Variants in SIPA1 observed in about 807,000 individuals in gnomAD.
The protein encoded by SIPA1 is signal-induced proliferation-associated protein 1.
SIPA1 carries 51 observed loss-of-function variants against 88.1 expected under a neutral mutation model. The ratio of observed to expected loss-of-function variants is 0.58; its 90% CI spans 0.46 to 0.73. The LOEUF (loss-of-function observed/expected upper bound fraction) is 0.73. Ranked by LOEUF, SIPA1 falls within the 30% of genes least tolerant of loss-of-function variation. The pLI is 0.00. For synonymous variants in SIPA1, 681 were observed against 664.8 expected, an observed-to-expected ratio of 1.02 and a Z score of -0.37; for missense variants, 1,348 against 1,467.6, an observed-to-expected ratio of 0.92 and a Z score of 1.33.
chr11:65,649,240 C>A, intron 9 of SIPA1, 22 bp from the exon 10 acceptor site: 1 of 1,484,226 alleles, frequency 6.7e-7, no homozygotes, highest in Non-Finnish European at 9.0e-7. Context: ...GAAGTCCTGC[C>A]TGACCCTGTC....
intron 9 of SIPA1, among the ~76,000 whole-genome samples, chr11:65,648,238 T>G (rs1281664216): frequency 2.0e-5 from 3 of 152,100 alleles, no homozygotes; most frequent in Non-Finnish European, 4.4e-5. Flanking sequence ...AAAGATCAAA[T>G]AGCAGCCCCC....
rs767072422 is a variant in SIPA1 at position 65,649,801 on chromosome 11, G to A, written c.2682G>A (p.Pro894=). ...SPSGSEDKGN[P]APELRASFLP... Reference sequence around the variant, plus strand: ...GTGGCTCTGAGGACAAGGGCAACCCGGCGCCGGAGCTGAGGGCCTCCTTTC... The same window carrying A: ...GTGGCTCTGAGGACAAGGGCAACCCAGCGCCGGAGCTGAGGGCCTCCTTTC... The change falls in exon 12 of 16, where the codon CCG becomes CCA. Residue 894 remains proline, a synonymous_variant. Transcript: ENST00000534313. 1.4e-5 allele frequency: 22 copies of A among 1,613,958 alleles called. No homozygotes were observed. Among genetic ancestry groups the A allele is most frequent in the South Asian group, 1.2e-4 (11 of 91,088 alleles).
chr11:65,645,974 C>T lies in SIPA1; in HGVS notation c.1263+17C>T, dbSNP rs758407355. ...CAGCAGCAGGTGTGAGGGGGACCAA[C>T]GTGGGGGTGGGGCTTCCGGGAACCA... On this transcript the variant is annotated intron_variant, in intron 6 of 15. Transcript: ENST00000534313. 1.3e-5 allele frequency: 21 copies of T among 1,580,726 alleles called. No individual in the cohort carries two copies. In the South Asian group the frequency reaches 1.3e-4, roughly 10 times the overall value.
chr11:65,642,238 G>C lies in SIPA1; in HGVS notation c.680-12G>C. 1 of 1,550,172 alleles carries C rather than the reference G, an allele frequency of 6.5e-7. No homozygotes were observed. The highest frequency in any genetic ancestry group is 8.7e-7 in the Non-Finnish European group (1 of 1,147,950). On this transcript the variant is annotated splice_polypyrimidine_tract_variant and intron_variant, in intron 2 of 15. Transcript: ENST00000534313. This position sits in a 1 kb window ranked among gnomAD's most constrained non-coding sequence, Gnocchi z 6.5. ...GGCGGGACCAATCGTTTTCTTCGGC[G>C]CGGTCCCCCAGAACATCAGAACTTC...
In SIPA1 at chr11:65,650,749, T is replaced by A; in HGVS notation, c.*34T>A. ...GAACCACCTGGGCCCCTGAGGGCAC[T>A]GTGGTCACACTGGGCCCTCCTCAGG... On this transcript the variant is annotated 3_prime_UTR_variant, in exon 16 of 16. Transcript: ENST00000534313. 1 of 1,523,608 alleles carries A rather than the reference T, an allele frequency of 6.6e-7. No homozygotes were observed. The highest frequency in any genetic ancestry group is 2.4e-5 in the East Asian group (1 of 41,814). The allele number at this position is 1,523,608 out of a possible 1,614,324, so 94.4% of individuals were successfully genotyped here.
chr11:65,642,554 C>T lies in SIPA1; in HGVS notation c.899C>T (p.Ala300Val). Residue 300 changes from alanine (A) to valine (V), a missense_variant, in exon 4 of 16, where the codon GCG (alanine) becomes GTG (valine). Physicochemically the swap from Ala to Val is moderately conservative, Grantham distance 64. Coordinates refer to ENST00000534313, the MANE Select transcript of SIPA1 (RefSeq NM_006747.4). The surrounding 1 kb of genome is among the most constrained non-coding windows in gnomAD (Gnocchi z 6.5). ...LSPRKLLEHV[A>V]PQLSPSCLRL... ...CCAAGGAAACTTCTGGAGCACGTGG[C>T]GCCGCAGCTGAGCCCCAGCTGCCTG... The T allele has an allele frequency of 2.5e-6, 4 of 1,603,180 alleles. No individual in the cohort carries two copies. Among genetic ancestry groups the T allele is most frequent in the South Asian group, 1.1e-5 (1 of 90,482 alleles).
At chr11:65,640,470 A>G (rs1855978815) in intron 1 of SIPA1, among the ~76,000 whole-genome samples, 1 of 152,202 alleles carries the variant, frequency 6.6e-6, no homozygotes, top group Non-Finnish European at 1.5e-5. Flanking sequence ...TTCCCGTCCC[A>G]GCCAATACAA....
chr11:65,641,022 C>T lies in SIPA1; in HGVS notation c.101C>T (p.Pro34Leu). ...FARKLRQPARPPLTPHTFEPR... is the reference protein window; with the variant it reads ...FARKLRQPARLPLTPHTFEPR... ...CGCAAGCTGCGCCAGCCAGCAAGGC[C>T]CCCGCTGACACCGCACACCTTCGAG... Residue 34 changes from proline to leucine, a missense_variant, in exon 2 of 16, where the codon CCC (proline) becomes CTC (leucine). Pro to Leu is a moderately conservative substitution (Grantham distance 98, BLOSUM62 -3). Transcript: ENST00000534313. 2.5e-6 allele frequency: 4 copies of T among 1,592,104 alleles called. No individual in the cohort carries two copies. Among genetic ancestry groups the T allele is most frequent in the Non-Finnish European group, 3.4e-6 (4 of 1,173,874 alleles).
chr11:65,644,725 A>G (rs545600097), intron 4 of SIPA1, among the ~76,000 whole-genome samples: 4 of 152,000 alleles, frequency 2.6e-5, no homozygotes, highest in Non-Finnish European at 4.4e-5. Flanking sequence ...CTTTCTGTGA[A>G]TCACCTTCTC....
rs370485147 is a variant in SIPA1 at position 65,646,388 on chromosome 11, G to A, written c.1421+10G>A. On this transcript the variant is annotated intron_variant, in intron 7 of 15. Coordinates refer to ENST00000534313, the MANE Select transcript of SIPA1 (RefSeq NM_006747.4). This position sits in a 1 kb window ranked among gnomAD's most constrained non-coding sequence, Gnocchi z 7.5. ...CACACACCACCTACAGGTGGGCACC[G>A]GAGTGGTCCCAGGTCTCCCGTGGGC... is the stretch of plus-strand genomic sequence containing the variant. 78 of 1,607,666 alleles carry A rather than the reference G, an allele frequency of 4.9e-5. No homozygotes were observed. Among genetic ancestry groups the A allele is most frequent in the Non-Finnish European group, 5.6e-5 (66 of 1,179,636 alleles).
At chr11:65,647,161 G>T (rs762958258) in intron 8 of SIPA1, 96 bp downstream of exon 8, 8 of 1,417,056 alleles carry the variant, frequency 5.6e-6, no homozygotes, top group South Asian at 1.5e-5. Flanking sequence ...TACTCCTGCG[G>T]AAGGGAAAGT....
At position 65,641,468 on chromosome 11, in the gene SIPA1, C is replaced by T. The variant is rs1209075898; in HGVS notation, c.547C>T (p.Pro183Ser). Residue 183 changes from proline (P) to serine (S), a missense_variant, in exon 2 of 16, where the codon CCA becomes TCA. Around this residue, in one of 4 missense-constraint regions of SIPA1, gnomAD observed 641 missense variants for 797.7 expected, o/e 0.80. Transcript: ENST00000534313. ...GCTAGGCCTGGGTGGACCAGCATCCCCACCTGTGCCCCCTGCACTGCCCAA... is the reference window on the plus strand; with the variant it reads ...GCTAGGCCTGGGTGGACCAGCATCCTCACCTGTGCCCCCTGCACTGCCCAA... Reference protein sequence around the residue: ...GELGLGGPASPPVPPALPNAA... With the variant: ...GELGLGGPASSPVPPALPNAA... The T allele has an allele frequency of 1.2e-6, 2 of 1,612,250 alleles. No individual in the cohort carries two copies. Among genetic ancestry groups the T allele is most frequent in the Non-Finnish European group, 1.7e-6 (2 of 1,180,006 alleles).
intron 9 of SIPA1, 33 bp downstream of exon 9, chr11:65,647,691 G>A: frequency 7.6e-7 from 1 of 1,315,976 alleles, no homozygotes; most frequent in Non-Finnish European, 9.7e-7. Context: ...GAGGTGGGAG[G>A]GCCGGCAGTT....
chr11:65,645,703 C>G (rs1222635060), intron 5 of SIPA1, 151 bp from the exon 6 acceptor site: 2 of 579,122 alleles, frequency 3.5e-6, no homozygotes, highest in East Asian at 5.7e-5. Flanking sequence ...GCCCTTGAAT[C>G]TCGCTGGCTG....
chr11:65,648,668 A>G (rs1856187309), intron 9 of SIPA1, among the ~76,000 whole-genome samples: 1 of 151,964 alleles, frequency 6.6e-6, no homozygotes, highest in Non-Finnish European at 1.5e-5. Flanking sequence ...ACCCGTCTCT[A>G]GTAAAAATAC....
chr11:65,647,317 AG>A, intron 8 of SIPA1, 66 bp from the exon 9 acceptor site: 3 of 1,369,240 alleles, frequency 2.2e-6, no homozygotes, highest in South Asian at 3.3e-5. Context: ...GACGCAGTCC[AG>A]GGGGCGGGCG....
intron 9 of SIPA1, 57 bp downstream of exon 9, chr11:65,647,715 T>C (rs2135527109): frequency 7.9e-7 from 1 of 1,264,514 alleles, no homozygotes; most frequent in South Asian, 2.0e-5. Flanking sequence ...CACCGCGCAG[T>C]CTGCGCCTCC....
chr11:65,642,653 C>G lies in SIPA1; in HGVS notation c.984+14C>G, dbSNP rs896142301. 2.0e-6 allele frequency: 3 copies of G among 1,519,250 alleles called. No homozygotes were observed. The African/African-American group carries it at 4.1e-5, about 21-fold the overall frequency. 94.1% of individuals were successfully genotyped at this position (1,519,250 alleles called of 1,614,324 possible). A position where few individuals can be genotyped will look rare whatever the true frequency, so the allele number is the denominator to read the frequency against. On this transcript the variant is annotated intron_variant, in intron 4 of 15. Transcript: ENST00000534313. This position sits in a 1 kb window ranked among gnomAD's most constrained non-coding sequence, Gnocchi z 6.5. ...GATGAGCAAGTGGTGAGTGGCGGGCCGCGGAGCCCCCAGCCATACAGCTGG... is the reference window on the plus strand; with the variant it reads ...GATGAGCAAGTGGTGAGTGGCGGGCGGCGGAGCCCCCAGCCATACAGCTGG...
At chr11:65,647,689 A>G in intron 9 of SIPA1, 31 bp downstream of exon 9, 2 of 1,316,144 alleles carry the variant, frequency 1.5e-6, no homozygotes, top group South Asian at 1.8e-5. Context: ...GGGAGGTGGG[A>G]GGGCCGGCAG....
Sources: gnomAD v4.1 joint callset for allele counts (sites outside exome capture counted in the v4.1 genomes callset) on GRCh38, gnomAD v4.1.1 for gene constraint, gnomAD v4.1.1 regional missense constraint, Gnocchi (gnomAD v3.1) non-coding constraint, MANE v1.5 for transcripts, NCBI Gene and HGNC (gene_info 2026-07-23, HGNC 2026-07-21) for gene names.